Variants in BCL2L13 observed in about 807,000 individuals in gnomAD.
The protein encoded by BCL2L13 is BCL2 like 13, also known as bcl-2-like protein 13.
Under a neutral mutation model 25.8 loss-of-function variants are expected in BCL2L13, and 13 were observed. The observed-to-expected ratio is 0.50, with a 90% CI of 0.33 to 0.80. BCL2L13 has a LOEUF of 0.80. Ranked by LOEUF, BCL2L13 falls within the 30% of genes least tolerant of loss-of-function variation. The probability of loss-of-function intolerance (pLI) is 0.02; values close to 1 mark genes in which losing one functional copy is unlikely to be tolerated. For synonymous variants in BCL2L13, 244 were observed against 230.3 expected (o/e 1.06, Z -0.54); for missense variants, 504 against 574.9 (o/e 0.88, Z 1.26).
chr22:17,692,757 C>T (rs535021516), intron 4 of BCL2L13, among the ~76,000 whole-genome samples: 1 of 152,136 alleles, frequency 6.6e-6, no homozygotes, highest in African/African-American at 2.4e-5. Flanking sequence ...TAGACCAGTG[C>T]GATTCAATGC....
chr22:17,638,962 G>A (rs2058165327), intron 1 of BCL2L13, 76 bp downstream of exon 1: 2 of 1,155,278 alleles, frequency 1.7e-6, no homozygotes, highest in East Asian at 6.4e-5. Context: ...AGTGCCCAGA[G>A]ACCGTATCGA....
intron 6 of BCL2L13, among the ~76,000 whole-genome samples, chr22:17,720,603 G>A (rs912316074): frequency 1.3e-5 from 2 of 151,298 alleles, no homozygotes; most frequent in South Asian, 2.1e-4. Context: ...GACCTCAGGC[G>A]ATCAGCCTGC....
intron 3 of BCL2L13, among the ~76,000 whole-genome samples, chr22:17,686,676 A>C (rs1011687128): frequency 6.6e-6 from 1 of 151,614 alleles, no homozygotes; most frequent in Non-Finnish European, 1.5e-5. Flanking sequence ...ATGCCTGGCT[A>C]ATTTTTGTAT....
chr22:17,631,770 G>A lies in BCL2L13; in HGVS notation c.-650+2765G>A, dbSNP rs1373649651. On this transcript the variant is annotated intron_variant, in intron 1 of 6. Transcript: ENST00000399782. ...GAGTTTCGCTATTGTTGCCCAGGCT[G>A]GAGTGCAGTGGCGCAGTCTCAGCTC... is the stretch of plus-strand genomic sequence containing the variant. Among the ~76,000 whole-genome samples the A allele has an allele frequency of 3.0e-5, 4 of 131,458 alleles. No individual in the cohort carries two copies. The East Asian group carries it at 9.9e-4, about 32-fold the overall frequency. 86.2% of individuals were successfully genotyped at this position (131,458 alleles called of 152,430 possible). A position where few individuals can be genotyped will look rare whatever the true frequency, so the allele number is the denominator to read the frequency against.
At chr22:17,635,767 T>C (rs1225756130), upstream of BCL2L13, among the ~76,000 whole-genome samples, 1 of 151,596 alleles carries the variant, frequency 6.6e-6, no homozygotes, top group Non-Finnish European at 1.5e-5. Flanking sequence ...TGGAGTGCAG[T>C]GGTGCGATCT....
At chr22:17,655,969 G>C in intron 2 of BCL2L13, 137 bp downstream of exon 2, 1 of 873,624 alleles carries the variant, frequency 1.1e-6, no homozygotes, top group Non-Finnish European at 1.6e-6. Context: ...AGGGCTGGGC[G>C]CGGTGGCTCA....
intron 6 of BCL2L13, among the ~76,000 whole-genome samples, chr22:17,708,330 A>C (rs1375263203): frequency 6.6e-6 from 1 of 152,230 alleles, no homozygotes; most frequent in Non-Finnish European, 1.5e-5. Context: ...TCTAAGAGGT[A>C]GGACAGCATA....
In BCL2L13 at chr22:17,727,884, AC is replaced by A. The variant is rs967762071; in HGVS notation, c.*355del. The A allele has an allele frequency of 2.2e-5, 6 of 276,854 alleles. No homozygotes were observed. Among genetic ancestry groups the A allele is most frequent in the African/African-American group, 1.1e-4 (5 of 47,384 alleles). The allele number at this position is 276,854 out of a possible 1,614,324, so 17.1% of individuals were successfully genotyped here. A position where few individuals can be genotyped will look rare whatever the true frequency, so the allele number is the denominator to read the frequency against. On this transcript the variant is annotated 3_prime_UTR_variant, in exon 7 of 7. Coordinates refer to ENST00000317582, the MANE Select transcript of BCL2L13 (RefSeq NM_015367.4). ...GCTCCACCCACTAGATGCCAGTGGC[AC>A]CCCCTCCCAGAGATGACAAACGAAA...
intron 6 of BCL2L13, among the ~76,000 whole-genome samples, chr22:17,725,314 C>T (rs188645409): frequency 3.8e-4 from 58 of 152,326 alleles, no homozygotes; most frequent in African/African-American, 1.4e-3. Flanking sequence ...ACCTTCTATT[C>T]TTCATGGGCA....
At chr22:17,672,430 T>G (rs1321264313) in intron 2 of BCL2L13, among the ~76,000 whole-genome samples, 1 of 152,230 alleles carries the variant, frequency 6.6e-6, no homozygotes, top group Non-Finnish European at 1.5e-5. Flanking sequence ...ATATAATGAT[T>G]ACTGACTCAC....
At chr22:17,639,077 C>G (rs1019825695) in intron 1 of BCL2L13, among the ~76,000 whole-genome samples, 191 bp downstream of exon 1, 6 of 152,200 alleles carry the variant, frequency 3.9e-5, no homozygotes, top group African/African-American at 1.4e-4. Context: ...GTCCGCTTCA[C>G]CGTGACCGGA....
chr22:17,668,379 A>G (rs2059304916), intron 2 of BCL2L13, among the ~76,000 whole-genome samples: 1 of 151,352 alleles, frequency 6.6e-6, no homozygotes, highest in Non-Finnish European at 1.5e-5. Context: ...ATACAAGGTC[A>G]TGTACATTTT....
At chr22:17,651,474 C>T (rs4819461) in intron 1 of BCL2L13, among the ~76,000 whole-genome samples, 21,040 of 151,224 alleles carry the variant, frequency 0.14, 1,985 homozygotes, top group Non-Finnish European at 0.21. Context: ...CTCCGCCTCC[C>T]AGGTTCAATT....
chr22:17,647,878 T>C (rs564365625), intron 1 of BCL2L13, among the ~76,000 whole-genome samples: 14 of 152,150 alleles, frequency 9.2e-5, no homozygotes, highest in South Asian at 4.1e-4. Flanking sequence ...CCTGTAATCC[T>C]AGCACTTTGG....
chr22:17,638,652 G>A (rs571194902), upstream of BCL2L13: 3 of 1,228,780 alleles, frequency 2.4e-6, no homozygotes, highest in South Asian at 4.1e-5. Context: ...AGACCTCCGG[G>A]GCCTCCGTTG....
In BCL2L13 at chr22:17,631,684, A is replaced by G. The variant is rs1365536792; in HGVS notation, c.-650+2679A>G. ...TGTGTGTGTGTGTATATATATATAT[A>G]TATATATATATATATATATATATTT... On this transcript the variant is annotated intron_variant, in intron 1 of 6. Coordinates refer to the BCL2L13 transcript ENST00000399782. 3.0e-3 allele frequency among the ~76,000 whole-genome samples: 98 copies of G among 32,846 alleles called. 5 individuals are homozygous for G. The highest frequency in any genetic ancestry group is 0.021 in the South Asian group (9 of 436). The allele number at this position is 32,846 out of a possible 152,430, so 21.5% of individuals were successfully genotyped here.
chr22:17,696,120 C>G (rs2060257122), intron 4 of BCL2L13, 21 bp from the exon 5 acceptor site: 1 of 1,600,148 alleles, frequency 6.2e-7, no homozygotes, highest in East Asian at 2.2e-5. Flanking sequence ...GTGACACAGA[C>G]TTTTAAAAAA....
chr22:17,655,344 A>G (rs574109138), intron 1 of BCL2L13, among the ~76,000 whole-genome samples: 1 of 151,554 alleles, frequency 6.6e-6, no homozygotes, highest in South Asian at 2.1e-4. Context: ...TCTAACAATA[A>G]AAAGTGTAGT....
chr22:17,673,947 A>G (rs1388557303), intron 2 of BCL2L13, among the ~76,000 whole-genome samples: 1 of 152,168 alleles, frequency 6.6e-6, no homozygotes, highest in Non-Finnish European at 1.5e-5. Flanking sequence ...TTTTTATCAT[A>G]GTAGATAGTG....
Sources: gnomAD v4.1 joint callset for allele counts (sites outside exome capture counted in the v4.1 genomes callset) on GRCh38, gnomAD v4.1.1 for gene constraint, MANE v1.5 for transcripts, NCBI Gene and HGNC (gene_info 2026-07-23, HGNC 2026-07-21) for gene names.